Variants in WDR37 observed in about 807,000 individuals in gnomAD.
WDR37 encodes WD repeat-containing protein 37.
A neutral mutation model predicts 62.9 loss-of-function variants in WDR37; 19 were observed. The ratio of observed to expected loss-of-function variants is 0.30; its 90% confidence interval spans 0.21 to 0.44. WDR37 has a LOEUF of 0.44. Among genes scored for constraint, WDR37 ranks in the 20% least tolerant of loss-of-function variants. The pLI, the probability that WDR37 is intolerant of heterozygous loss-of-function variation, is 1.00. For missense variants in WDR37, 474 were observed against 657.6 expected (o/e 0.72, Z 3.05); for synonymous variants, 250 against 260.9 (o/e 0.96, Z 0.40).
At chr10:1,075,784 CT>C (rs11387795) in intron 2 of WDR37, among the ~76,000 whole-genome samples, 113 of 140,892 alleles carry the variant, frequency 8.0e-4, no homozygotes, top group Admixed American at 8.5e-4. Flanking sequence ...ATTGGAACTT[CT>C]TTTTTTTTTT....
intron 1 of WDR37, among the ~76,000 whole-genome samples, chr10:1,066,027 C>CAT (rs3053734): frequency 0.98 from 149,076 of 152,246 alleles, 73,058 homozygotes; most frequent in Middle Eastern, 1. Context: ...TAGCAATTAA[C>CAT]GTGGAAACCA....
chr10:1,127,018 G>C (rs967373657), intron 13 of WDR37, among the ~76,000 whole-genome samples: 4 of 152,168 alleles, frequency 2.6e-5, no homozygotes, highest in African/African-American at 9.7e-5. Context: ...TAACAGCTGA[G>C]CATCACTCAT....
At chr10:1,062,767 C>A (rs1008629376) in intron 1 of WDR37, among the ~76,000 whole-genome samples, 1 of 152,168 alleles carries the variant, frequency 6.6e-6, no homozygotes, top group African/African-American at 2.4e-5. Context: ...TGAAGTACAT[C>A]TAAAAACACT....
intron 2 of WDR37, 91 bp downstream of exon 2, chr10:1,072,384 C>A (rs1589081384): frequency 1.3e-6 from 2 of 1,531,830 alleles, no homozygotes; most frequent in African/African-American, 1.4e-5. Flanking sequence ...ATGGTGCGAT[C>A]TCCGCTCACA....
rs1835906848 is a variant in WDR37 at position 1,129,316 on chromosome 10, A to G, written c.1457A>G (p.Asn486Ser). The G allele has an allele frequency of 1.2e-6, 2 of 1,614,076 alleles. No individual in the cohort carries two copies. The highest frequency in any genetic ancestry group is 1.1e-5 in the South Asian group (1 of 91,070). Residue 486 changes from asparagine (N) to serine (S), a missense_variant, in exon 14 of 14, where the codon AAC becomes AGC. Asn to Ser is a conservative substitution (Grantham distance 46). Coordinates refer to ENST00000263150, the MANE Select transcript of WDR37 (RefSeq NM_014023.4). Reference protein sequence around the residue: ...FDRQAIGWNINIPALLQEK With the variant: ...FDRQAIGWNISIPALLQEK ...CGGCAAGCCATTGGTTGGAACATCA[A>G]CATCCCTGCATTGCTACAAGAAAAA...
intron 7 of WDR37, among the ~76,000 whole-genome samples, chr10:1,092,145 A>T (rs1194589919): frequency 7.1e-6 from 1 of 140,548 alleles, no homozygotes; most frequent in Non-Finnish European, 1.5e-5. Flanking sequence ...GCGCCACTGC[A>T]CTCCAACCTG....
At chr10:1,109,490 T>A (rs1835142660) in intron 11 of WDR37, among the ~76,000 whole-genome samples, 1 of 152,046 alleles carries the variant, frequency 6.6e-6, no homozygotes, top group South Asian at 2.1e-4. Context: ...ACTTTGGGGA[T>A]CACCTGAGGC....
chr10:1,068,034 A>G (rs1295792171), intron 1 of WDR37, among the ~76,000 whole-genome samples: 1 of 152,142 alleles, frequency 6.6e-6, no homozygotes, highest in South Asian at 2.1e-4. Context: ...ATGGAGGTAA[A>G]CAGTGGAAAA....
At chr10:1,072,405 C>T in intron 2 of WDR37, 112 bp downstream of exon 2, 2 of 1,380,440 alleles carry the variant, frequency 1.4e-6, no homozygotes, top group Admixed American at 2.0e-5. Context: ...ACCTCCACCT[C>T]CTGGGTGGAA....
At chr10:1,093,671 T>C (rs773188814) in intron 8 of WDR37, among the ~76,000 whole-genome samples, 175 bp downstream of exon 8, 3 of 152,234 alleles carry the variant, frequency 2.0e-5, no homozygotes, top group Non-Finnish European at 4.4e-5. Flanking sequence ...AGCAGTACTT[T>C]CTAGAGACAG....
chr10:1,113,868 T>G (rs915699353), intron 11 of WDR37, among the ~76,000 whole-genome samples: 1 of 151,680 alleles, frequency 6.6e-6, no homozygotes, highest in African/African-American at 2.4e-5. Flanking sequence ...ATTTTGAATA[T>G]TCCATAAACT....
intron 11 of WDR37, among the ~76,000 whole-genome samples, chr10:1,122,941 C>T (rs1359121908): frequency 6.6e-6 from 1 of 152,222 alleles, no homozygotes; most frequent in Non-Finnish European, 1.5e-5. Flanking sequence ...ATTTAATATA[C>T]TTAGCACCAT....
chr10:1,091,264 G>A (rs1834379064), intron 7 of WDR37, among the ~76,000 whole-genome samples: 1 of 152,176 alleles, frequency 6.6e-6, no homozygotes, highest in African/African-American at 2.4e-5. Context: ...AGTGAAAATT[G>A]ATGATTGATC....
intron 11 of WDR37, among the ~76,000 whole-genome samples, chr10:1,115,171 A>C (rs1418587994): frequency 1.3e-5 from 2 of 152,016 alleles, no homozygotes; most frequent in African/African-American, 4.8e-5. Context: ...ATGCGGATAA[A>C]CTTTAGCATT....
At chr10:1,107,592 C>T (rs2131667483) in intron 11 of WDR37, among the ~76,000 whole-genome samples, 1 of 152,050 alleles carries the variant, frequency 6.6e-6, no homozygotes, top group East Asian at 1.9e-4. Flanking sequence ...ACTAACCCTT[C>T]ACCTAGGTTC....
intron 11 of WDR37, among the ~76,000 whole-genome samples, chr10:1,111,295 G>T (rs1450407353): frequency 6.6e-6 from 1 of 152,162 alleles, no homozygotes; most frequent in Non-Finnish European, 1.5e-5. Flanking sequence ...GTGAATTGCT[G>T]TATATTGGGT....
intron 11 of WDR37, among the ~76,000 whole-genome samples, chr10:1,108,575 A>T (rs1286726550): frequency 2.0e-5 from 3 of 152,234 alleles, no homozygotes. Flanking sequence ...CCAGGGCTTC[A>T]GCTCATTGTT....
chr10:1,120,289 T>G (rs1050368230), intron 11 of WDR37, among the ~76,000 whole-genome samples: 2 of 152,190 alleles, frequency 1.3e-5, no homozygotes, highest in African/African-American at 4.8e-5. Context: ...TGCAGATAGC[T>G]TGGAAGTTGC....
chr10:1,067,167 A>C (rs1048988794), intron 1 of WDR37, among the ~76,000 whole-genome samples: 1 of 152,216 alleles, frequency 6.6e-6, no homozygotes, highest in Non-Finnish European at 1.5e-5. Flanking sequence ...TTTTTTGACA[A>C]AAGTCCAAAG....
Sources: allele counts gnomAD v4.1 joint callset (sites outside exome capture counted in the v4.1 genomes callset), GRCh38; gene constraint gnomAD v4.1.1; transcripts MANE v1.5; gene names NCBI Gene and HGNC (gene_info 2026-07-23, HGNC 2026-07-21).